Variants in THRB observed in about 807,000 individuals in gnomAD.
THRB encodes the protein nuclear receptor subfamily 1 group A member 2.
THRB carries 12 observed loss-of-function variants against 47.8 expected under a neutral mutation model. That is an observed-to-expected ratio of 0.25 (90% CI 0.16 to 0.41). The LOEUF (loss-of-function observed/expected upper bound fraction) is 0.41. Ranked by LOEUF, THRB falls within the 10% of genes least tolerant of loss-of-function variation. The pLI, the probability that THRB is intolerant of heterozygous loss-of-function variation, is 1.00. For missense variants in THRB, 348 were observed against 589.2 expected, an observed-to-expected ratio of 0.59 and a Z score of 4.24; for synonymous variants, 218 against 212.2, an observed-to-expected ratio of 1.03 and a Z score of -0.24.
In THRB at chr3:24,318,974, T is replaced by A. The variant is rs2058304482; in HGVS notation, c.-189+18326A>T. ...TAGCCTGAACCAAGAATTTAAAAAC[T>A]TCTACATGACATTCAACGTTTATGA... On this transcript the variant is annotated intron_variant, in intron 2 of 10. Coordinates refer to ENST00000646209, the MANE Select transcript of THRB (RefSeq NM_001354712.2). 2.0e-5 allele frequency among the ~76,000 whole-genome samples: 3 copies of A among 152,222 alleles called. No individual in the cohort carries two copies. The South Asian group carries it at 6.2e-4, about 31-fold the overall frequency.
At chr3:24,365,179 T>C (rs2064368622) in intron 1 of THRB, among the ~76,000 whole-genome samples, 1 of 152,190 alleles carries the variant, frequency 6.6e-6, no homozygotes, top group Non-Finnish European at 1.5e-5. Context: ...TTTCCTGCCT[T>C]ATTCACCAAC....
At chr3:24,333,693 T>TC (rs2062064494) in intron 2 of THRB, among the ~76,000 whole-genome samples, 1 of 152,254 alleles carries the variant, frequency 6.6e-6, no homozygotes, top group Admixed American at 6.5e-5. Context: ...GTGTTCTTTT[T>TC]CACGTATGAT....
intron 3 of THRB, among the ~76,000 whole-genome samples, chr3:24,260,197 G>T (rs995247380): frequency 2.6e-5 from 4 of 152,284 alleles, no homozygotes; most frequent in Non-Finnish European, 5.9e-5. Context: ...AAATACAGTT[G>T]TCAGGAGAGA....
At chr3:24,286,671 A>G (rs549093874) in intron 3 of THRB, among the ~76,000 whole-genome samples, 59 of 152,310 alleles carry the variant, frequency 3.9e-4, no homozygotes, top group African/African-American at 1.3e-3. Flanking sequence ...TTGTTTATTC[A>G]TGTTGAAACT....
At chr3:24,398,842 T>A (rs961733906) in intron 1 of THRB, among the ~76,000 whole-genome samples, 1 of 152,004 alleles carries the variant, frequency 6.6e-6, no homozygotes, top group African/African-American at 2.4e-5. Flanking sequence ...TGTCCAACAA[T>A]GATAGACTGG....
chr3:24,205,753 C>G (rs2045263480), intron 4 of THRB, among the ~76,000 whole-genome samples: 1 of 152,074 alleles, frequency 6.6e-6, no homozygotes, highest in South Asian at 2.1e-4. Flanking sequence ...ATTCAGGAAA[C>G]CCATCTCATG....
intron 1 of THRB, among the ~76,000 whole-genome samples, chr3:24,346,120 T>C (rs2062999037): frequency 6.6e-6 from 1 of 152,058 alleles, no homozygotes; most frequent in East Asian, 1.9e-4. Context: ...TAAATGAATA[T>C]TAACTACTTA....
chr3:24,295,137 G>C (rs890223641), intron 3 of THRB, among the ~76,000 whole-genome samples: 12 of 152,136 alleles, frequency 7.9e-5, no homozygotes, highest in African/African-American at 2.7e-4. Context: ...ATATAACGGG[G>C]GCTGATATTC....
chr3:24,492,795 C>T (rs893655807), intron 1 of THRB, among the ~76,000 whole-genome samples: 3 of 152,174 alleles, frequency 2.0e-5, no homozygotes, highest in Non-Finnish European at 2.9e-5. Context: ...ATGTCAGTTG[C>T]TTTATGTAAC....
chr3:24,327,468 T>G (rs2061669525), intron 2 of THRB, among the ~76,000 whole-genome samples: 1 of 152,198 alleles, frequency 6.6e-6, no homozygotes, highest in Admixed American at 6.5e-5. Context: ...GGATTAAAAG[T>G]TGAAACCCTA....
chr3:24,441,894 G>GAA (rs144295951), intron 1 of THRB, among the ~76,000 whole-genome samples: 2 of 151,882 alleles, frequency 1.3e-5, no homozygotes, highest in African/African-American at 4.8e-5. Context: ...GCTCCCCCAA[G>GAA]AAAAAAATCT....
chr3:24,226,175 A>G (rs1355644148), intron 4 of THRB, among the ~76,000 whole-genome samples: 1 of 152,178 alleles, frequency 6.6e-6, no homozygotes, highest in Non-Finnish European at 1.5e-5. Context: ...TAAGGGTTTA[A>G]TTGATTTCCT....
intron 2 of THRB, among the ~76,000 whole-genome samples, chr3:24,328,163 A>G (rs1051529043): frequency 6.6e-6 from 1 of 152,226 alleles, no homozygotes; most frequent in Non-Finnish European, 1.5e-5. Context: ...ACATTCTTCT[A>G]CAATGCTAAT....
At chr3:24,309,555 A>G (rs2057603081) in intron 2 of THRB, among the ~76,000 whole-genome samples, 1 of 152,236 alleles carries the variant, frequency 6.6e-6, no homozygotes, top group Admixed American at 6.5e-5. Flanking sequence ...TCTGGTACAC[A>G]GTTGATATTC....
chr3:24,399,845 A>C (rs534407669), intron 1 of THRB, among the ~76,000 whole-genome samples: 1 of 152,210 alleles, frequency 6.6e-6, no homozygotes, highest in Admixed American at 6.5e-5. Flanking sequence ...CTTATACCAC[A>C]TTCTTGGTCT....
intron 3 of THRB, among the ~76,000 whole-genome samples, chr3:24,240,755 T>A (rs191559144): frequency 1.1e-4 from 17 of 152,280 alleles, no homozygotes; most frequent in African/African-American, 4.1e-4. Context: ...TCTGATTCAG[T>A]TAGTTTGGGG....
chr3:24,380,613 T>C (rs557844016), intron 1 of THRB, among the ~76,000 whole-genome samples: 3 of 152,322 alleles, frequency 2.0e-5, no homozygotes, highest in Admixed American at 2.0e-4. Context: ...CATTCTATTC[T>C]TTACTTTTGT....
intron 5 of THRB, among the ~76,000 whole-genome samples, chr3:24,167,101 T>A (rs1446816567): frequency 6.6e-6 from 1 of 152,100 alleles, no homozygotes; most frequent in Non-Finnish European, 1.5e-5. Flanking sequence ...TGACTTTTTA[T>A]AAATGTAGTA....
intron 1 of THRB, among the ~76,000 whole-genome samples, chr3:24,433,321 G>A (rs1319645210): frequency 6.6e-6 from 1 of 152,118 alleles, no homozygotes; most frequent in African/African-American, 2.4e-5. Context: ...TGGTGGCCCA[G>A]TATGGTCATA....
Sources: allele counts gnomAD v4.1 joint callset (sites outside exome capture counted in the v4.1 genomes callset), GRCh38; gene constraint gnomAD v4.1.1; transcripts MANE v1.5; gene names NCBI Gene and HGNC (gene_info 2026-07-23, HGNC 2026-07-21).